Variants in WASHC3 observed in about 807,000 individuals in gnomAD.
The protein encoded by WASHC3 is WASH complex subunit CCDC53.
Under a neutral mutation model 26.1 loss-of-function variants are expected in WASHC3, and 24 were observed. The ratio of observed to expected loss-of-function variants is 0.92; its 90% CI spans 0.66 to 1.29. WASHC3 has a LOEUF of 1.29. WASHC3 is among the 50% of genes most tolerant of loss of function. The pLI, the probability that WASHC3 is intolerant of heterozygous loss-of-function variation, is 0.00. For synonymous variants in WASHC3, 77 were observed against 75.7 expected (o/e 1.02, Z -0.09); for missense variants, 214 against 229.6 (o/e 0.93, Z 0.44).
chr12:102,034,250 T>C (rs1222747698), intron 5 of WASHC3, among the ~76,000 whole-genome samples: 1 of 152,014 alleles, frequency 6.6e-6, no homozygotes. Context: ...ACACAGAAAA[T>C]AGGAAGGCAT....
intron 6 of WASHC3, among the ~76,000 whole-genome samples, chr12:102,014,075 CTTTTTTTTTTTTTT>C (rs1189181874): frequency 3.4e-5 from 3 of 88,708 alleles, no homozygotes; most frequent in Admixed American, 1.4e-4. Context: ...ACTGCTACAT[CTTTTTTTTTTTTTT>C]TTTTTTTTTT....
Position 102,052,015 on chromosome 12 carries a change from T to C in WASHC3, c.151-5896A>G, listed in dbSNP as rs547136599. ...TTATCATACATAAAGGAGAAAAAGG[T>C]GGGACAACAGCAAGATGGGGGAATA... On this transcript the variant is annotated intron_variant, in intron 2 of 6. Transcript: ENST00000240079. Among the ~76,000 whole-genome samples the C allele has an allele frequency of 1.2e-3, 185 of 152,238 alleles. 2 individuals carry two copies. Among genetic ancestry groups the C allele is most frequent in the Non-Finnish European group, 1.9e-3 (126 of 68,004 alleles).
At chr12:102,018,275 G>A (rs181864700) in intron 6 of WASHC3, among the ~76,000 whole-genome samples, 459 of 152,246 alleles carry the variant, frequency 3.0e-3, no homozygotes, top group Middle Eastern at 6.8e-3. Context: ...ATGAACATGC[G>A]TATACAAATA....
chr12:102,028,823 A>T (rs954519027), intron 5 of WASHC3, among the ~76,000 whole-genome samples: 5 of 150,818 alleles, frequency 3.3e-5, no homozygotes, highest in Admixed American at 3.3e-4. Context: ...AATAAGAATT[A>T]TAAGAATAAT....
chr12:102,045,095 GAA>G (rs1330354522), intron 3 of WASHC3, among the ~76,000 whole-genome samples: 2 of 151,416 alleles, frequency 1.3e-5, no homozygotes, highest in Non-Finnish European at 2.9e-5. Flanking sequence ...TCATTATAAA[GAA>G]TAATAATTAA....
At chr12:102,056,003 A>G in intron 2 of WASHC3, among the ~76,000 whole-genome samples, 1 of 152,222 alleles carries the variant, frequency 6.6e-6, no homozygotes, top group South Asian at 2.1e-4. Flanking sequence ...GTAGTTCTTC[A>G]AGCAGGTCAG....
chr12:102,039,128 G>C (rs4590931), intron 5 of WASHC3, among the ~76,000 whole-genome samples: 1 of 134,450 alleles, frequency 7.4e-6, no homozygotes, highest in African/African-American at 2.8e-5. Context: ...ATGGAGTTAG[G>C]TTTTTTTTTT....
intron 5 of WASHC3, among the ~76,000 whole-genome samples, chr12:102,035,590 T>G (rs1264036006): frequency 6.6e-6 from 1 of 152,148 alleles, no homozygotes; most frequent in Non-Finnish European, 1.5e-5. Flanking sequence ...AATTGATAAC[T>G]TGAAGAAATG....
At position 102,023,333 on chromosome 12, in the gene WASHC3, G is replaced by C. The variant is rs574048743; in HGVS notation, c.500+2641C>G. Among the ~76,000 whole-genome samples, 59 of 152,170 alleles carry C rather than the reference G, an allele frequency of 3.9e-4. 1 individual carries two copies. Among genetic ancestry groups the C allele is most frequent in the African/African-American group, 1.4e-3 (58 of 41,524 alleles). ...TTTTGCCCTTTGCTCAGTGCAGATAGAGGTAGGCCATTTCTTCCAACAGTT... is the reference window on the plus strand; with the variant it reads ...TTTTGCCCTTTGCTCAGTGCAGATACAGGTAGGCCATTTCTTCCAACAGTT... On this transcript the variant is annotated intron_variant, in intron 6 of 6. Transcript: ENST00000240079.
intron 5 of WASHC3, among the ~76,000 whole-genome samples, chr12:102,039,016 C>A (rs1343384026): frequency 6.6e-6 from 1 of 151,636 alleles, no homozygotes; most frequent in African/African-American, 2.4e-5. Context: ...TACAGTGGCA[C>A]AATCAGTGAG....
Position 102,044,269 on chromosome 12 carries a change from T to C in WASHC3, c.217-57A>G. 3 of 753,764 alleles carry C rather than the reference T, an allele frequency of 4.0e-6. No homozygotes were observed. The South Asian group carries it at 6.0e-5, about 15-fold the overall frequency. The allele number at this position is 753,764 out of a possible 1,614,324, so 46.7% of individuals were successfully genotyped here. A position where few individuals can be genotyped will look rare whatever the true frequency, so the allele number is the denominator to read the frequency against. ...AGATAGTACTTGCATAAATAAACACTATTTTTAATAGCTGTCTTAAGTTTT... is the reference window on the plus strand; with the variant it reads ...AGATAGTACTTGCATAAATAAACACCATTTTTAATAGCTGTCTTAAGTTTT... On this transcript the variant is annotated intron_variant, in intron 3 of 6. Coordinates refer to ENST00000240079, the MANE Select transcript of WASHC3 (RefSeq NM_016053.4).
chr12:102,044,963 T>C (rs145424177), intron 3 of WASHC3, among the ~76,000 whole-genome samples: 1 of 152,312 alleles, frequency 6.6e-6, no homozygotes, highest in East Asian at 1.9e-4. Flanking sequence ...TCTATGGCCA[T>C]GGAAATAACT....
intron 4 of WASHC3, among the ~76,000 whole-genome samples, chr12:102,042,291 T>G (rs2136670385): frequency 6.6e-6 from 1 of 152,326 alleles, no homozygotes; most frequent in Non-Finnish European, 1.5e-5. Flanking sequence ...TAAATGGATG[T>G]TAAATTTTAT....
At chr12:102,026,688 T>C (rs1877206918) in intron 5 of WASHC3, among the ~76,000 whole-genome samples, 1 of 152,020 alleles carries the variant, frequency 6.6e-6, no homozygotes. Context: ...ATGACAGAAA[T>C]AAAGACACAT....
chr12:102,040,279 T>C (rs757975369), intron 4 of WASHC3: 39 of 166,866 alleles, frequency 2.3e-4, no homozygotes, highest in Non-Finnish European at 4.2e-4. Flanking sequence ...ATACAAAGCA[T>C]GAATTATATA....
chr12:102,030,007 T>A (rs1555201622), intron 5 of WASHC3, among the ~76,000 whole-genome samples: 2 of 152,112 alleles, frequency 1.3e-5, no homozygotes, highest in Non-Finnish European at 1.5e-5. Context: ...AAAAAATACT[T>A]TACTGAGGCC....
At chr12:102,056,273 T>C (rs904134438) in intron 2 of WASHC3, among the ~76,000 whole-genome samples, 3 of 152,220 alleles carry the variant, frequency 2.0e-5, no homozygotes, top group Admixed American at 6.5e-5. Context: ...TTGGTTGATA[T>C]GCTAAAGACA....
At chr12:102,022,824 A>C (rs1877013495) in intron 6 of WASHC3, among the ~76,000 whole-genome samples, 1 of 152,212 alleles carries the variant, frequency 6.6e-6, no homozygotes, top group African/African-American at 2.4e-5. Context: ...CAATGATTGA[A>C]AGAATATTTA....
At chr12:102,041,572 A>AT (rs1288066557) in intron 4 of WASHC3, among the ~76,000 whole-genome samples, 2 of 152,014 alleles carry the variant, frequency 1.3e-5, no homozygotes, top group Non-Finnish European at 2.9e-5. Context: ...TAAACAGATG[A>AT]TTTTTTTAAA....
Sources: allele counts gnomAD v4.1 joint callset (sites outside exome capture counted in the v4.1 genomes callset), GRCh38; gene constraint gnomAD v4.1.1; transcripts MANE v1.5; gene names NCBI Gene and HGNC (gene_info 2026-07-23, HGNC 2026-07-21).